Variants in TENM1 observed in about 807,000 individuals in gnomAD.
TENM1 encodes the protein teneurin-1.
In TENM1, 35 loss-of-function variants were observed where a neutral mutation model predicts 174.8. The ratio of observed to expected loss-of-function variants is 0.20; its 90% CI spans 0.15 to 0.27. The LOEUF (loss-of-function observed/expected upper bound fraction) is 0.27, where lower values mean the gene tolerates loss of function less well. Among genes scored for constraint, TENM1 ranks in the 10% least tolerant of loss-of-function variants. The pLI, the probability that TENM1 is intolerant of heterozygous loss-of-function variation, is 1.00. For missense variants in TENM1, 1,633 were observed against 2,130.1 expected (o/e 0.77, Z 4.59); for synonymous variants, 781 against 798.7 (o/e 0.98, Z 0.37).
intron 19 of TENM1, among the ~76,000 whole-genome samples, chrX:124,502,500 C>T (rs1222945651): frequency 5.3e-5 from 6 of 112,347 alleles, no homozygotes; most frequent in Non-Finnish European, 5.6e-5. Context: ...GGAAAAGAAA[C>T]GGCTGCTTAA....
At chrX:124,785,458 C>CT (rs2147185911) in intron 3 of TENM1, among the ~76,000 whole-genome samples, 1 of 111,964 alleles carries the variant, frequency 8.9e-6, no homozygotes, top group East Asian at 2.8e-4. Context: ...CAACTAACTT[C>CT]TTTTTTCTCT....
At chrX:125,021,890 A>G in the TENM1 span, among the ~76,000 whole-genome samples, 1 of 113,066 alleles carries the variant, frequency 8.8e-6, no homozygotes, top group Non-Finnish European at 1.9e-5. Context: ...TAGCTGAGGG[A>G]TGCAGCTTAC....
At chrX:124,608,781 CTTT>C (rs55733864) in intron 11 of TENM1, among the ~76,000 whole-genome samples, 5 of 93,094 alleles carry the variant, frequency 5.4e-5, no homozygotes, top group Non-Finnish European at 2.1e-5. Flanking sequence ...GAAGAGTAAG[CTTT>C]TTTTTTTTTT....
intron 25 of TENM1, among the ~76,000 whole-genome samples, chrX:124,411,256 A>T: frequency 9.0e-6 from 1 of 111,645 alleles, no homozygotes. Context: ...CAAGCTAAAG[A>T]TTCCTAGATA....
At chrX:124,497,322 C>T in intron 19 of TENM1, 57 bp from the exon 23 acceptor site, 1 of 1,115,683 alleles carries the variant, frequency 9.0e-7, no homozygotes, top group Non-Finnish European at 1.2e-6. Context: ...ACAAAATAAT[C>T]TCAGCAATAT....
chrX:125,057,383 T>TGTTA, the TENM1 span, among the ~76,000 whole-genome samples: 2 of 108,802 alleles, frequency 1.8e-5, no homozygotes, highest in Admixed American at 9.9e-5. Context: ...CACACATTAC[T>TGTTA]GTATGTATTA....
At chrX:125,075,617 C>A in the TENM1 span, among the ~76,000 whole-genome samples, 9 of 111,285 alleles carry the variant, frequency 8.1e-5, no homozygotes, top group East Asian at 2.6e-3. Context: ...AACATTTTCC[C>A]TATCCCCAAA....
At chrX:124,931,212 T>C (rs898906375) in intron 1 of TENM1, among the ~76,000 whole-genome samples, 2 of 107,522 alleles carry the variant, frequency 1.9e-5, no homozygotes, top group African/African-American at 3.4e-5. Flanking sequence ...ACAGAATCCA[T>C]CTGAAGATGC....
chrX:124,399,736 G>A (rs1215818996), intron 27 of TENM1, among the ~76,000 whole-genome samples: 1 of 111,749 alleles, frequency 8.9e-6, no homozygotes, highest in African/African-American at 3.3e-5. Flanking sequence ...GGAGGCTGAG[G>A]TGGGCGGATG....
the TENM1 span, among the ~76,000 whole-genome samples, chrX:125,138,750 G>A: frequency 9.0e-6 from 1 of 110,735 alleles, no homozygotes; most frequent in Non-Finnish European, 1.9e-5. Context: ...ACATGTGTAT[G>A]CTCATTGTAT....
chrX:125,189,166 A>G, the TENM1 span, among the ~76,000 whole-genome samples: 1 of 112,091 alleles, frequency 8.9e-6, no homozygotes, highest in Non-Finnish European at 1.9e-5. Context: ...TGGTTCCTTT[A>G]GGAGTGTGTC....
At chrX:124,786,235 C>T (rs1409047605) in intron 3 of TENM1, among the ~76,000 whole-genome samples, 1 of 110,883 alleles carries the variant, frequency 9.0e-6, no homozygotes, top group East Asian at 2.8e-4. Context: ...CAGGAAGACA[C>T]GAATAAATAG....
chrX:124,461,697 A>T (rs772465033), intron 22 of TENM1, among the ~76,000 whole-genome samples: 1 of 111,682 alleles, frequency 9.0e-6, no homozygotes, highest in East Asian at 2.8e-4. Context: ...GCTAAAAAAG[A>T]GAGTAGATTA....
intron 4 of TENM1, among the ~76,000 whole-genome samples, chrX:124,715,344 G>A (rs2053152671): frequency 9.2e-6 from 1 of 109,066 alleles, no homozygotes; most frequent in Non-Finnish European, 1.9e-5. Flanking sequence ...AAATACTTGT[G>A]ACTATACATT....
At chrX:125,120,207 AT>A in the TENM1 span, among the ~76,000 whole-genome samples, 14,325 of 98,810 alleles carry the variant, frequency 0.14, 784 homozygotes, top group Admixed American at 0.3. Context: ...AACATTTCCT[AT>A]TTTTTTTACC....
chrX:124,409,036 A>C (rs1279072848), intron 25 of TENM1, among the ~76,000 whole-genome samples: 2 of 109,816 alleles, frequency 1.8e-5, no homozygotes, highest in Non-Finnish European at 3.8e-5. Context: ...TCCATGGTGT[A>C]TATGTGCCAT....
chrX:125,178,941 A>G, the TENM1 span, among the ~76,000 whole-genome samples: 1 of 109,390 alleles, frequency 9.1e-6, no homozygotes, highest in Admixed American at 9.8e-5. Context: ...CATTCACTTC[A>G]GCCTGGGTGA....
At chrX:124,990,471 A>T in the TENM1 span, among the ~76,000 whole-genome samples, 1 of 113,041 alleles carries the variant, frequency 8.8e-6, no homozygotes, top group Admixed American at 9.3e-5. Context: ...GAACAGCAAT[A>T]AATAATAATT....
chrX:125,093,532 T>C, the TENM1 span, among the ~76,000 whole-genome samples: 1 of 112,199 alleles, frequency 8.9e-6, no homozygotes, highest in Non-Finnish European at 1.9e-5. Context: ...ATCATTCATT[T>C]CTTTCTACTC....
Sources: allele counts gnomAD v4.1 joint callset (sites outside exome capture counted in the v4.1 genomes callset), GRCh38; gene constraint gnomAD v4.1.1; transcripts MANE v1.5; gene names NCBI Gene and HGNC (gene_info 2026-07-23, HGNC 2026-07-21).